The following RSRC1 variants were observed in gnomAD, a reference collection of about 807,000 sequenced individuals.
RSRC1 encodes serine/Arginine-related protein 53.
RSRC1 carries 39 observed loss-of-function variants against 49.1 expected under a neutral mutation model. The observed-to-expected ratio is 0.79, with a 90% CI of 0.61 to 1.04. The LOEUF (loss-of-function observed/expected upper bound fraction) is 1.04, where lower values mean the gene tolerates loss of function less well. Ranked by LOEUF, RSRC1 falls within the 50% of genes least tolerant of loss-of-function variation. The probability of loss-of-function intolerance (pLI) is 0.00; values close to 1 mark genes in which losing one functional copy is unlikely to be tolerated. For missense variants in RSRC1, 388 were observed against 402.4 expected, an observed-to-expected ratio of 0.96 and a Z score of 0.31; for synonymous variants, 143 against 130.8, an observed-to-expected ratio of 1.09 and a Z score of -0.63.
intron 7 of RSRC1, among the ~76,000 whole-genome samples, chr3:158,473,605 A>G (rs1301668889): frequency 6.6e-6 from 1 of 152,136 alleles, no homozygotes; most frequent in African/African-American, 2.4e-5. Flanking sequence ...TGGCACATGT[A>G]TACATATGTA....
intron 7 of RSRC1, among the ~76,000 whole-genome samples, chr3:158,481,359 G>A (rs548033226): frequency 2.8e-4 from 42 of 152,148 alleles, no homozygotes; most frequent in African/African-American, 9.9e-4. Context: ...ACAGATCATA[G>A]GCAATCACTG....
chr3:158,276,787 CT>C (rs1450692370), intron 4 of RSRC1, among the ~76,000 whole-genome samples: 1 of 152,130 alleles, frequency 6.6e-6, no homozygotes, highest in Non-Finnish European at 1.5e-5. Flanking sequence ...TATTTCTTAA[CT>C]TATATCTGTC....
chr3:158,397,426 A>G (rs533944843), intron 6 of RSRC1, among the ~76,000 whole-genome samples: 2 of 152,290 alleles, frequency 1.3e-5, no homozygotes, highest in East Asian at 3.9e-4. Context: ...GTGTGTACAC[A>G]TACATAGGGA....
intron 8 of RSRC1, among the ~76,000 whole-genome samples, chr3:158,541,115 C>T (rs572515425): frequency 1.3e-5 from 2 of 152,248 alleles, no homozygotes; most frequent in South Asian, 4.2e-4. Context: ...TACACCAGCC[C>T]CTCTGGCCTT....
At chr3:158,392,758 C>G (rs778761897) in intron 6 of RSRC1, among the ~76,000 whole-genome samples, 3 of 151,954 alleles carry the variant, frequency 2.0e-5, no homozygotes, top group Non-Finnish European at 4.4e-5. Context: ...CTTGACGTTA[C>G]TGGACAAATC....
At chr3:158,228,863 A>ATGTG (rs1722681087) in intron 4 of RSRC1, among the ~76,000 whole-genome samples, 4 of 92,436 alleles carry the variant, frequency 4.3e-5, no homozygotes, top group Admixed American at 1.1e-4. Context: ...ATACGTGTAT[A>ATGTG]TATGTATATA....
chr3:158,329,619 C>T (rs140267339), intron 5 of RSRC1, among the ~76,000 whole-genome samples: 2 of 152,158 alleles, frequency 1.3e-5, no homozygotes, highest in Non-Finnish European at 1.5e-5. Context: ...GAGGGGTACC[C>T]GGCTGTGTGA....
chr3:158,289,026 C>A (rs1013032729), intron 4 of RSRC1, among the ~76,000 whole-genome samples: 3 of 151,790 alleles, frequency 2.0e-5, no homozygotes, highest in African/African-American at 7.3e-5. Context: ...TTTTATTATC[C>A]CCTCAGAATT....
At chr3:158,414,646 C>T (rs918405081) in intron 6 of RSRC1, among the ~76,000 whole-genome samples, 1 of 151,852 alleles carries the variant, frequency 6.6e-6, no homozygotes, top group Non-Finnish European at 1.5e-5. Context: ...TACGTGAGCC[C>T]AGGAGCTGGA....
chr3:158,143,413 G>A (rs1028366367), intron 3 of RSRC1, among the ~76,000 whole-genome samples: 8 of 152,102 alleles, frequency 5.3e-5, no homozygotes, highest in African/African-American at 1.9e-4. Flanking sequence ...CTAGGAGATA[G>A]CATGATGTGG....
In RSRC1 at chr3:158,518,148, A is replaced by ATTTTTTTTTTTTTTTT. The variant is rs72132266; in HGVS notation, c.653-18939_653-18924dup. Among the ~76,000 whole-genome samples the ATTTTTTTTTTTTTTTT allele has an allele frequency of 9.1e-4, 40 of 44,138 alleles. 2 individuals carry two copies. The highest frequency in any genetic ancestry group is 1.2e-3 in the African/African-American group (8 of 6,504). The allele number at this position is 44,138 out of a possible 152,430, so 29.0% of individuals were successfully genotyped here. ...TGTGTATATATATATATATATATAT[A>ATTTTTTTTTTTTTTTT]TTTTTTTTTTTTTTTTTTTTACTCC... On this transcript the variant is annotated intron_variant, in intron 7 of 9. Transcript: ENST00000611884.
At chr3:158,232,171 T>C (rs1161404658) in intron 4 of RSRC1, among the ~76,000 whole-genome samples, 1 of 152,158 alleles carries the variant, frequency 6.6e-6, no homozygotes, top group African/African-American at 2.4e-5. Context: ...GCATATGTTT[T>C]GCTAAATTCT....
At chr3:158,206,845 T>C (rs1721368636) in intron 4 of RSRC1, among the ~76,000 whole-genome samples, 1 of 151,940 alleles carries the variant, frequency 6.6e-6, no homozygotes, top group Non-Finnish European at 1.5e-5. Context: ...ACCCAGGAGG[T>C]GGAGGTTGCA....
At chr3:158,248,823 G>C (rs827182) in intron 4 of RSRC1, among the ~76,000 whole-genome samples, 144,041 of 152,200 alleles carry the variant, frequency 0.95, 68,264 homozygotes, top group East Asian at 1. Context: ...GTCTCAAGCT[G>C]TTTGCCTCAA....
intron 6 of RSRC1, among the ~76,000 whole-genome samples, chr3:158,388,276 G>A (rs1170168849): frequency 6.6e-6 from 1 of 151,744 alleles, no homozygotes; most frequent in Non-Finnish European, 1.5e-5. Context: ...TAGACATAAT[G>A]AGATTATTTT....
At chr3:158,152,587 A>G (rs1264564722) in intron 3 of RSRC1, among the ~76,000 whole-genome samples, 2 of 152,208 alleles carry the variant, frequency 1.3e-5, no homozygotes, top group East Asian at 1.9e-4. Flanking sequence ...TTCTCTTGGA[A>G]TGAATTCATC....
At chr3:158,516,052 C>T (rs1381409286) in intron 7 of RSRC1, among the ~76,000 whole-genome samples, 6 of 152,084 alleles carry the variant, frequency 3.9e-5, no homozygotes, top group South Asian at 2.1e-4. Flanking sequence ...GAATGTCCTC[C>T]GTAGCTTGGA....
At chr3:158,524,018 T>A (rs948589987) in intron 7 of RSRC1, among the ~76,000 whole-genome samples, 1 of 152,074 alleles carries the variant, frequency 6.6e-6, no homozygotes, top group African/African-American at 2.4e-5. Flanking sequence ...ATTGCTTTGA[T>A]TGTGCTTTGT....
chr3:158,445,698 A>T (rs114735444), intron 6 of RSRC1, among the ~76,000 whole-genome samples: 2,427 of 152,254 alleles, frequency 0.016, 52 homozygotes, highest in African/African-American at 0.055. Context: ...AGTTTTTCCA[A>T]GTACCAATTA....
Sources: gnomAD v4.1 joint callset for allele counts (sites outside exome capture counted in the v4.1 genomes callset) on GRCh38, gnomAD v4.1.1 for gene constraint, MANE v1.5 for transcripts, NCBI Gene and HGNC (gene_info 2026-07-23, HGNC 2026-07-21) for gene names.